ACOXL: variants seen among roughly 807,000 people sequenced by gnomAD.
ACOXL encodes acyl-coenzyme A oxidase-like protein.
ACOXL carries 70 observed loss-of-function variants against 71.9 expected under a neutral mutation model. The ratio of observed to expected loss-of-function variants is 0.97; its 90% CI spans 0.80 to 1.19. The LOEUF (loss-of-function observed/expected upper bound fraction) is 1.19, where lower values mean the gene tolerates loss of function less well. Ranked by LOEUF, ACOXL falls within the 50% of genes most tolerant of loss-of-function variation. The pLI is 0.00. For synonymous variants in ACOXL, 253 were observed against 281.6 expected (o/e 0.90, Z 1.02); for missense variants, 703 against 736.3 (o/e 0.95, Z 0.52).
At chr2:110,787,681 C>T (rs1025950144) in intron 3 of ACOXL, among the ~76,000 whole-genome samples, 1 of 152,164 alleles carries the variant, frequency 6.6e-6, no homozygotes, top group African/African-American at 2.4e-5. Flanking sequence ...AGGTGTGGCC[C>T]TGGTCACATC....
intron 14 of ACOXL, among the ~76,000 whole-genome samples, chr2:111,022,967 A>T (rs1381134917): frequency 1.3e-5 from 2 of 152,184 alleles, no homozygotes; most frequent in Non-Finnish European, 2.9e-5. Flanking sequence ...GCTCACCCCC[A>T]AGAGCAGAAA....
chr2:110,794,324 A>G (rs1685026139), intron 5 of ACOXL, 150 bp downstream of exon 5: 2 of 720,040 alleles, frequency 2.8e-6, no homozygotes, highest in East Asian at 2.8e-5. Context: ...AAGTGTTTTA[A>G]TAGAGGTGGA....
Position 110,968,536 on chromosome 2 carries a change from A to T in ACOXL, c.1060-18572A>T. On this transcript the variant is annotated intron_variant, in intron 12 of 17. Transcript: ENST00000439055. Reference sequence around the variant, plus strand: ...CACAAAGAACAGCGTAACTCCAGACATGACGGAGGAGATGTATAAGAAAGC... The same window carrying T: ...CACAAAGAACAGCGTAACTCCAGACTTGACGGAGGAGATGTATAAGAAAGC... 6.1e-6 allele frequency: 7 copies of T among 1,156,882 alleles called. No homozygotes were observed. In the South Asian group the frequency reaches 8.9e-5, roughly 15 times the overall value. The allele number at this position is 1,156,882 out of a possible 1,614,324, so 71.7% of individuals were successfully genotyped here. A position where few individuals can be genotyped will look rare whatever the true frequency, so the allele number is the denominator to read the frequency against.
chr2:111,048,430 G>T (rs1197061110), intron 15 of ACOXL, among the ~76,000 whole-genome samples: 2 of 152,164 alleles, frequency 1.3e-5, no homozygotes, highest in Non-Finnish European at 2.9e-5. Flanking sequence ...TAAATCTGAG[G>T]GTGGCAGAGA....
chr2:110,941,804 A>G (rs1015879386), intron 12 of ACOXL, among the ~76,000 whole-genome samples: 2 of 152,254 alleles, frequency 1.3e-5, no homozygotes, highest in African/African-American at 2.4e-5. Context: ...GATCTTTATC[A>G]TAAGAAATAT....
chr2:110,900,086 T>TACACAC (rs60758688), intron 10 of ACOXL, among the ~76,000 whole-genome samples: 3,674 of 143,186 alleles, frequency 0.026, 77 homozygotes, highest in Admixed American at 0.069. Flanking sequence ...CACACACACA[T>TACACAC]ACACACACAC....
intron 15 of ACOXL, among the ~76,000 whole-genome samples, chr2:111,040,787 G>A (rs1414917981): frequency 2.6e-5 from 4 of 152,222 alleles, no homozygotes; most frequent in African/African-American, 4.8e-5. Context: ...GGCATGAAGT[G>A]CGTGGATGAC....
chr2:110,926,645 T>C (rs192863535), intron 11 of ACOXL, among the ~76,000 whole-genome samples: 2 of 152,274 alleles, frequency 1.3e-5, no homozygotes, highest in East Asian at 3.9e-4. Flanking sequence ...GTCTGGAGGA[T>C]AATAAATGCC....
intron 12 of ACOXL, among the ~76,000 whole-genome samples, chr2:110,935,075 C>T (rs868457197): frequency 2.0e-5 from 3 of 151,638 alleles, no homozygotes; most frequent in South Asian, 2.1e-4. Flanking sequence ...CCCAGGGATT[C>T]GGGGGTAGAG....
chr2:110,951,302 C>G (rs2061325861), intron 12 of ACOXL, among the ~76,000 whole-genome samples: 1 of 152,180 alleles, frequency 6.6e-6, no homozygotes, highest in Non-Finnish European at 1.5e-5. Flanking sequence ...ATCTTATAAT[C>G]AACAACCTAG....
At chr2:110,868,447 C>G (rs1458893253) in intron 10 of ACOXL, among the ~76,000 whole-genome samples, 2 of 152,150 alleles carry the variant, frequency 1.3e-5, no homozygotes, top group South Asian at 2.1e-4. Context: ...GCAATTGATT[C>G]CTTTGGCAGG....
At position 110,872,292 on chromosome 2, in the gene ACOXL, G is replaced by A. The variant is rs140288194; in HGVS notation, c.788+30887G>A. Among the ~76,000 whole-genome samples, 909 of 152,302 alleles carry A rather than the reference G, an allele frequency of 6.0e-3. 3 individuals carry two copies. Among genetic ancestry groups the A allele is most frequent in the Non-Finnish European group, 9.1e-3 (619 of 68,028 alleles). ...TTTGGTTAAAGCAAGCCTGAGGCCC[G>A]TCAGGATTCAAGAGGAGGGGACATA... On this transcript the variant is annotated intron_variant, in intron 10 of 17. Transcript: ENST00000439055.
At chr2:111,081,492 C>A (rs1019473813) in intron 16 of ACOXL, among the ~76,000 whole-genome samples, 18 of 152,212 alleles carry the variant, frequency 1.2e-4, no homozygotes, top group Admixed American at 9.2e-4. Context: ...TCAAGGAGAA[C>A]TACAAGCTGC....
intron 1 of ACOXL, among the ~76,000 whole-genome samples, chr2:110,752,027 T>C (rs1277733064): frequency 1.3e-5 from 2 of 151,222 alleles, no homozygotes; most frequent in Admixed American, 6.6e-5. Context: ...CTTCTTCTTT[T>C]TTTTTTTTTT....
chr2:111,023,401 G>T (rs2064868524), intron 14 of ACOXL, among the ~76,000 whole-genome samples: 2 of 152,180 alleles, frequency 1.3e-5, no homozygotes, highest in Admixed American at 1.3e-4. Flanking sequence ...GATGCATTCT[G>T]CAGAGGATTG....
chr2:110,736,213 T>TA (rs1676822082), intron 1 of ACOXL, among the ~76,000 whole-genome samples: 1 of 152,246 alleles, frequency 6.6e-6, no homozygotes, highest in African/African-American at 2.4e-5. Context: ...CATTTTTTTT[T>TA]ATTGTGGCAA....
chr2:110,989,151 A>C (rs1054783337), intron 13 of ACOXL, among the ~76,000 whole-genome samples: 5 of 152,300 alleles, frequency 3.3e-5, no homozygotes, highest in South Asian at 2.1e-4. Flanking sequence ...TATTGAATCC[A>C]TACACATTTT....
chr2:110,902,016 C>T (rs1279818141), intron 10 of ACOXL, among the ~76,000 whole-genome samples: 1 of 149,444 alleles, frequency 6.7e-6, no homozygotes, highest in Non-Finnish European at 1.5e-5. Context: ...GCCTGGATGA[C>T]AGAGTACGAT....
intron 10 of ACOXL, chr2:110,887,966 G>T (rs1444446274): frequency 6.6e-6 from 1 of 152,194 alleles, no homozygotes; most frequent in African/African-American, 2.4e-5. Flanking sequence ...TGAAGAAAAA[G>T]ACAATTATTT....
Sources: allele counts gnomAD v4.1 joint callset (sites outside exome capture counted in the v4.1 genomes callset), GRCh38; gene constraint gnomAD v4.1.1; transcripts MANE v1.5; gene names NCBI Gene and HGNC (gene_info 2026-07-23, HGNC 2026-07-21).